ZNF503: variants seen among roughly 807,000 people sequenced by gnomAD.
The protein encoded by ZNF503 is NocA-like zinc finger 2.
In ZNF503, 15 loss-of-function variants were observed where a neutral mutation model predicts 34.4. That is an observed-to-expected ratio of 0.44 (90% CI 0.29 to 0.67). ZNF503 has a LOEUF of 0.67. Among genes scored for constraint, ZNF503 ranks in the 30% least tolerant of loss-of-function variants. ZNF503 has a pLI of 0.13. For missense variants in ZNF503, 1,007 were observed against 926.8 expected (o/e 1.09, Z -1.12); for synonymous variants, 580 against 456.8 (o/e 1.27, Z -3.44).
At chr10:75,381,186 A>G in the ZNF503 span, among the ~76,000 whole-genome samples, 1 of 152,148 alleles carries the variant, frequency 6.6e-6, no homozygotes, top group Non-Finnish European at 1.5e-5. Context: ...TGTTGTGGCA[A>G]CTTCTGGGAT....
rs1237069825 is a variant in ZNF503 at position 75,401,406 on chromosome 10, G to A, written c.14C>T (p.Pro5Leu). Reference sequence around the variant, plus strand: ...ACTGCTTCTTAGGGCAGAAAGCGAGGGCGCTGTGCTCATGACCCACCCGCG... The same window carrying A: ...ACTGCTTCTTAGGGCAGAAAGCGAGAGCGCTGTGCTCATGACCCACCCGCG... MSTA[P>L]SLSALRSSKH... Residue 5 changes from proline to leucine, a missense_variant, in exon 1 of 2, where the codon CCC (proline) becomes CTC (leucine). Physicochemically the swap from Pro to Leu is moderately conservative, Grantham distance 98. Transcript: ENST00000372524. 3.9e-6 allele frequency: 6 copies of A among 1,538,378 alleles called. No individual in the cohort carries two copies. In the East Asian group the frequency reaches 1.2e-4, roughly 31 times the overall value.
the ZNF503 span, among the ~76,000 whole-genome samples, chr10:75,314,759 A>G: frequency 6.6e-6 from 1 of 152,242 alleles, no homozygotes; most frequent in African/African-American, 2.4e-5. Context: ...GTGGAATAAT[A>G]TATTAAAAAT....
the ZNF503 span, among the ~76,000 whole-genome samples, chr10:75,312,741 T>TA: frequency 5.3e-4 from 79 of 150,466 alleles, no homozygotes; most frequent in African/African-American, 1.8e-3. Context: ...GTAGACAGAT[T>TA]AAAAAAAAAC....
At chr10:75,312,426 C>T in the ZNF503 span, among the ~76,000 whole-genome samples, 3 of 151,926 alleles carry the variant, frequency 2.0e-5, no homozygotes, top group Non-Finnish European at 4.4e-5. Flanking sequence ...CCAATCTGAA[C>T]AACACAAATA....
chr10:75,325,327 A>T, the ZNF503 span, among the ~76,000 whole-genome samples: 84 of 119,420 alleles, frequency 7.0e-4, 1 homozygote, highest in South Asian at 0.011. Flanking sequence ...ATATATATAT[A>T]TATTTTTTTT....
the ZNF503 span, among the ~76,000 whole-genome samples, chr10:75,390,641 C>T: frequency 6.6e-6 from 1 of 152,282 alleles, no homozygotes; most frequent in Admixed American, 6.5e-5. Flanking sequence ...CAGAAGTCAC[C>T]ATCCTGTGAC....
the ZNF503 span, among the ~76,000 whole-genome samples, chr10:75,374,020 A>T: frequency 6.6e-6 from 1 of 152,186 alleles, no homozygotes; most frequent in Non-Finnish European, 1.5e-5. Flanking sequence ...GGTCTATTAA[A>T]AGGTAAGTCA....
At chr10:75,332,130 T>A in the ZNF503 span, among the ~76,000 whole-genome samples, 28 of 152,226 alleles carry the variant, frequency 1.8e-4, no homozygotes, top group African/African-American at 5.3e-4. Context: ...AGTTTTCTTG[T>A]ATTTATTCTA....
chr10:75,341,957 T>A, the ZNF503 span, among the ~76,000 whole-genome samples: 2 of 152,186 alleles, frequency 1.3e-5, no homozygotes, highest in African/African-American at 4.8e-5. Flanking sequence ...AGATTAACAT[T>A]TTCCCTTGGC....
chr10:75,320,897 G>C, the ZNF503 span, among the ~76,000 whole-genome samples: 89 of 152,314 alleles, frequency 5.8e-4, no homozygotes, highest in Middle Eastern at 3.4e-3. Flanking sequence ...TCATGGTATA[G>C]TTTTGCAAGA....
chr10:75,315,837 C>T, the ZNF503 span, among the ~76,000 whole-genome samples: 5 of 152,220 alleles, frequency 3.3e-5, no homozygotes, highest in Admixed American at 6.5e-5. Flanking sequence ...AGGCAGCCTA[C>T]AAGAAATTCA....
the ZNF503 span, among the ~76,000 whole-genome samples, chr10:75,353,259 A>G: frequency 6.6e-6 from 1 of 152,234 alleles, no homozygotes; most frequent in East Asian, 1.9e-4. Flanking sequence ...GTGTGCCTCC[A>G]TTCTCCCATC....
the ZNF503 span, among the ~76,000 whole-genome samples, chr10:75,342,896 T>C: frequency 6.6e-6 from 1 of 152,210 alleles, no homozygotes; most frequent in Non-Finnish European, 1.5e-5. Context: ...GCTGATTGAA[T>C]GTATAAGACT....
At chr10:75,327,336 G>A in the ZNF503 span, among the ~76,000 whole-genome samples, 1 of 146,134 alleles carries the variant, frequency 6.8e-6, no homozygotes, top group African/African-American at 2.5e-5. Context: ...TTTTACAAAT[G>A]AGTGAAAACA....
chr10:75,384,094 G>T, the ZNF503 span, among the ~76,000 whole-genome samples: 1 of 152,158 alleles, frequency 6.6e-6, no homozygotes, highest in African/African-American at 2.4e-5. Flanking sequence ...AGGCCTGTGG[G>T]GCTTGCTCCC....
At chr10:75,375,539 CAG>C in the ZNF503 span, among the ~76,000 whole-genome samples, 2 of 151,170 alleles carry the variant, frequency 1.3e-5, no homozygotes, top group South Asian at 2.1e-4. Context: ...CTTTTTGAGA[CAG>C]AGTCTTGCTC....
downstream of ZNF503, among the ~76,000 whole-genome samples, chr10:75,394,525 T>C (rs1843676338): frequency 6.6e-6 from 1 of 152,270 alleles, no homozygotes; most frequent in South Asian, 2.1e-4. Context: ...GTAAGTACTG[T>C]GTGCTAACCG....
chr10:75,328,746 CTT>C, the ZNF503 span, among the ~76,000 whole-genome samples: 4 of 130,786 alleles, frequency 3.1e-5, no homozygotes, highest in East Asian at 2.2e-4. Context: ...AATGTCTTTT[CTT>C]TTTTTTTTTT....
the ZNF503 span, among the ~76,000 whole-genome samples, chr10:75,366,040 AC>A: frequency 6.6e-6 from 1 of 152,100 alleles, no homozygotes; most frequent in Non-Finnish European, 1.5e-5. Context: ...AGTGGAGATT[AC>A]CCCCTTGGCC....
Sources: allele counts gnomAD v4.1 joint callset (sites outside exome capture counted in the v4.1 genomes callset), GRCh38; gene constraint gnomAD v4.1.1; transcripts MANE v1.5; gene names NCBI Gene and HGNC (gene_info 2026-07-23, HGNC 2026-07-21).